The following FOXP2 variants were observed in gnomAD, a reference collection of about 807,000 sequenced individuals.
FOXP2 encodes forkhead box protein P2.
FOXP2 carries 12 observed loss-of-function variants against 115.8 expected under a neutral mutation model. The observed-to-expected ratio is 0.10, with a 90% CI of 0.07 to 0.17. The LOEUF is 0.17. FOXP2 is among the 10% of genes least tolerant of loss of function. The pLI, the probability that FOXP2 is intolerant of heterozygous loss-of-function variation, is 1.00. For missense variants in FOXP2, 629 were observed against 843.5 expected (o/e 0.75, Z 3.15); for synonymous variants, 328 against 297.7 (o/e 1.10, Z -1.05).
At chr7:114,219,888 G>A (rs960496486) in intron 1 of FOXP2, among the ~76,000 whole-genome samples, 17 of 151,354 alleles carry the variant, frequency 1.1e-4, no homozygotes, top group African/African-American at 3.4e-4. Flanking sequence ...ATGGAGTTTC[G>A]CTGTTGTTGC....
intron 3 of FOXP2, among the ~76,000 whole-genome samples, chr7:114,618,004 T>C (rs1391713173): frequency 6.6e-6 from 1 of 152,176 alleles, no homozygotes; most frequent in Non-Finnish European, 1.5e-5. Context: ...AGGGAAGACG[T>C]TTAACATTCT....
intron 1 of FOXP2, among the ~76,000 whole-genome samples, chr7:114,110,550 G>A (rs1052662614): frequency 1.3e-5 from 2 of 151,944 alleles, no homozygotes; most frequent in African/African-American, 4.8e-5. Context: ...GATTGTTAAT[G>A]TTTTCATACT....
intron 5 of FOXP2, 123 bp downstream of exon 5, chr7:114,630,128 AT>A: frequency 1.3e-6 from 2 of 1,544,510 alleles, no homozygotes; most frequent in Non-Finnish European, 1.8e-6. Context: ...AGTATTATAT[AT>A]TTTTACTGAG....
At chr7:114,469,165 C>T (rs1795936493) in intron 2 of FOXP2, among the ~76,000 whole-genome samples, 1 of 152,070 alleles carries the variant, frequency 6.6e-6, no homozygotes, top group Non-Finnish European at 1.5e-5. Context: ...CTTTCTTCTT[C>T]CATTGCCAGT....
intron 2 of FOXP2, among the ~76,000 whole-genome samples, chr7:114,289,961 G>A (rs1796552542): frequency 6.6e-6 from 1 of 151,792 alleles, no homozygotes; most frequent in Non-Finnish European, 1.5e-5. Flanking sequence ...AAGATTTTGG[G>A]GTCAGGTTGA....
At chr7:114,419,983 T>C (rs1793545071) in intron 1 of FOXP2, 1 of 151,920 alleles carries the variant, frequency 6.6e-6, no homozygotes, top group Non-Finnish European at 1.5e-5. Context: ...TAAAGGGACA[T>C]TTGGCACCCA....
chr7:114,149,179 A>G (rs1435706019), intron 1 of FOXP2, among the ~76,000 whole-genome samples: 1 of 151,802 alleles, frequency 6.6e-6, no homozygotes, highest in Admixed American at 6.6e-5. Flanking sequence ...AACATCAGAC[A>G]TTTTTCTTAT....
chr7:114,652,965 G>A (rs1317380820), intron 9 of FOXP2, among the ~76,000 whole-genome samples: 2 of 152,056 alleles, frequency 1.3e-5, no homozygotes, highest in East Asian at 3.9e-4. Context: ...GTCACCCAAA[G>A]TCTGACTCTT....
intron 1 of FOXP2, among the ~76,000 whole-genome samples, chr7:114,104,355 A>T (rs529444883): frequency 6.6e-6 from 1 of 151,884 alleles, no homozygotes; most frequent in Non-Finnish European, 1.5e-5. Context: ...AAAAGACCTA[A>T]TGCAGTCAGG....
chr7:114,289,691 AAGTT>A (rs1393644039), intron 2 of FOXP2, among the ~76,000 whole-genome samples: 1 of 151,882 alleles, frequency 6.6e-6, no homozygotes, highest in Non-Finnish European at 1.5e-5. Context: ...ATTGCACTTG[AAGTT>A]AGTCCTCAAA....
intron 1 of FOXP2, among the ~76,000 whole-genome samples, chr7:114,206,365 C>A (rs1794202051): frequency 6.6e-6 from 1 of 152,082 alleles, no homozygotes; most frequent in Non-Finnish European, 1.5e-5. Flanking sequence ...TGTTTCTGAC[C>A]TGTTGACCTC....
At chr7:114,670,695 A>G (rs1231489458) in intron 16 of FOXP2, among the ~76,000 whole-genome samples, 1 of 152,102 alleles carries the variant, frequency 6.6e-6, no homozygotes, top group Non-Finnish European at 1.5e-5. Flanking sequence ...CTTAAAATTT[A>G]AATTGCTATT....
chr7:114,421,930 C>G (rs1830199), intron 1 of FOXP2, among the ~76,000 whole-genome samples: 2 of 151,760 alleles, frequency 1.3e-5, no homozygotes, highest in Middle Eastern at 3.4e-3. Context: ...AGTTTTAAAT[C>G]ACAGTCAAGT....
intron 2 of FOXP2, among the ~76,000 whole-genome samples, chr7:114,343,198 G>A (rs1389060605): frequency 6.6e-6 from 1 of 151,322 alleles, no homozygotes; most frequent in Non-Finnish European, 1.5e-5. Flanking sequence ...AATTTTAAAG[G>A]GATTACCCTC....
chr7:114,201,756 T>C (rs1317832409), intron 1 of FOXP2, among the ~76,000 whole-genome samples: 2 of 152,196 alleles, frequency 1.3e-5, no homozygotes, highest in African/African-American at 4.8e-5. Context: ...ATGAACTGTC[T>C]ACTGTATCCA....
At chr7:114,604,356 A>G (rs548910523) in intron 3 of FOXP2, among the ~76,000 whole-genome samples, 3 of 152,312 alleles carry the variant, frequency 2.0e-5, no homozygotes, top group Non-Finnish European at 4.4e-5. Context: ...TTCAAAATAC[A>G]AATTTTTGTG....
chr7:114,087,067 A>T (rs977049781), upstream of FOXP2, among the ~76,000 whole-genome samples: 9 of 152,028 alleles, frequency 5.9e-5, no homozygotes, highest in African/African-American at 1.9e-4. Context: ...CCCACCCCCA[A>T]CCTCGGGAGG....
intron 1 of FOXP2, among the ~76,000 whole-genome samples, chr7:114,275,556 C>A (rs1048871612): frequency 6.6e-6 from 1 of 152,212 alleles, no homozygotes. Context: ...GGAGTTCCAT[C>A]TCTTTGCTTC....
In FOXP2 at chr7:114,541,717, C is replaced by T. The variant is rs575021794; in HGVS notation, c.258+7011C>T. 2.1e-3 allele frequency among the ~76,000 whole-genome samples: 318 copies of T among 150,708 alleles called. 1 individual carries two copies. The highest frequency in any genetic ancestry group is 4.0e-3 in the South Asian group (19 of 4,752). ...ATGTTGCATATATAATACTGAACTT[C>T]CATAAATTAAATATGGAAGAACTTT... On this transcript the variant is annotated intron_variant, in intron 3 of 16. Transcript: ENST00000350908.
Sources: allele counts gnomAD v4.1 joint callset (sites outside exome capture counted in the v4.1 genomes callset), GRCh38; gene constraint gnomAD v4.1.1; transcripts MANE v1.5; gene names NCBI Gene and HGNC (gene_info 2026-07-23, HGNC 2026-07-21).